Variants in PCDHGA7 observed in about 807,000 individuals in gnomAD.
PCDHGA7 encodes the protein protocadherin gamma subfamily A, 7, also known as protocadherin gamma-A7.
Under a neutral mutation model 58.3 loss-of-function variants are expected in PCDHGA7, and 44 were observed. That is an observed-to-expected ratio of 0.75 (90% CI 0.59 to 0.97). The LOEUF is 0.97. PCDHGA7 is among the 50% of genes least tolerant of loss of function. PCDHGA7 has a pLI of 0.00. For missense variants in PCDHGA7, 1,266 were observed against 1,188.7 expected, an observed-to-expected ratio of 1.06 and a Z score of -0.96; for synonymous variants, 516 against 504.2, an observed-to-expected ratio of 1.02 and a Z score of -0.31.
intron 1 of PCDHGA7, chr5:141,422,866 G>C: frequency 1.2e-6 from 2 of 1,614,216 alleles, no homozygotes; most frequent in Non-Finnish European, 8.5e-7. Context: ...CAGCAGCAAC[G>C]TGTCGCTGAG....
At chr5:141,500,455 C>T (rs1254764658) in intron 2 of PCDHGA7, among the ~76,000 whole-genome samples, 4 of 151,986 alleles carry the variant, frequency 2.6e-5, no homozygotes, top group Non-Finnish European at 5.9e-5. Context: ...GTGATCCGCC[C>T]GCCTCGGCCT....
intron 1 of PCDHGA7, chr5:141,492,018 G>A: frequency 1.7e-6 from 1 of 585,594 alleles, no homozygotes; most frequent in Admixed American, 3.7e-5. Flanking sequence ...GGGTGTCGGG[G>A]GTCCCGGGAG....
Position 141,491,906 on chromosome 5 carries a change from T to A in PCDHGA7, c.2425-2901T>A, listed in dbSNP as rs1490050332. On this transcript the variant is annotated intron_variant, in intron 1 of 3. Transcript: ENST00000518325. The surrounding 1 kb of genome is among the most constrained non-coding windows in gnomAD (Gnocchi z 6.9). ...ATGGGGCTCCGAGCACCGGGGGTGG[T>A]GGCGACTGTGGGCGAGGGGAGGTGG... is the stretch of plus-strand genomic sequence containing the variant. 7.1e-7 allele frequency: 1 copy of A among 1,414,468 alleles called. No individual in the cohort carries two copies. Among genetic ancestry groups the A allele is most frequent in the African/African-American group, 1.4e-5 (1 of 69,002 alleles). 87.6% of individuals were successfully genotyped at this position (1,414,468 alleles called of 1,614,324 possible).
chr5:141,399,972 G>A, intron 1 of PCDHGA7: 1 of 1,612,256 alleles, frequency 6.2e-7, no homozygotes. Flanking sequence ...TCTTCAGCCT[G>A]GGGCTGCGCA....
intron 1 of PCDHGA7, chr5:141,418,465 A>G (rs2096261082): frequency 6.2e-7 from 1 of 1,614,022 alleles, no homozygotes; most frequent in Non-Finnish European, 8.5e-7. Context: ...CTCTGGACCG[A>G]GAAACGCAGA....
chr5:141,404,741 G>C, intron 1 of PCDHGA7: 1 of 1,614,072 alleles, frequency 6.2e-7, no homozygotes, highest in South Asian at 1.1e-5. Context: ...AGTGGACAGA[G>C]ACTCAGGCCA....
rs142628885 is a variant in PCDHGA7 at position 141,404,093 on chromosome 5, C to T, written c.2424+18770C>T. ...TGACCGAGACTCCGGGAAGAATGGT[C>T]AAGTTGTCTGTTCTATCCAGGAGAA... On this transcript the variant is annotated intron_variant, in intron 1 of 3. Coordinates refer to ENST00000518325, the MANE Select transcript of PCDHGA7 (RefSeq NM_018920.4). The T allele has an allele frequency of 9.4e-5, 152 of 1,613,326 alleles. 2 individuals carry two copies. In the East Asian group the frequency reaches 3.4e-3, roughly 36 times the overall value.
At chr5:141,447,433 C>T (rs756021616) in intron 1 of PCDHGA7, among the ~76,000 whole-genome samples, 5 of 152,118 alleles carry the variant, frequency 3.3e-5, no homozygotes, top group African/African-American at 7.2e-5. Context: ...CCACCGCACC[C>T]GGAGGAAATT....
chr5:141,385,508 G>T (rs1430201636), intron 1 of PCDHGA7, 185 bp downstream of exon 1: 6 of 1,372,088 alleles, frequency 4.4e-6, no homozygotes, highest in Non-Finnish European at 5.6e-6. Flanking sequence ...TATTTCTTTA[G>T]TGAAAGCCTA....
At chr5:141,464,759 ACAGG>A (rs2099090169) in intron 1 of PCDHGA7, among the ~76,000 whole-genome samples, 1 of 152,158 alleles carries the variant, frequency 6.6e-6, no homozygotes, top group Non-Finnish European at 1.5e-5. Context: ...TTTTTTAGAG[ACAGG>A]AATCTTGTTC....
chr5:141,413,530 A>G (rs879218343), intron 1 of PCDHGA7: 1 of 1,613,954 alleles, frequency 6.2e-7, no homozygotes, highest in Non-Finnish European at 8.5e-7. Context: ...AGACAGGGTG[A>G]AACTTTTTGG....
chr5:141,441,762 C>T (rs3805697), intron 1 of PCDHGA7: 63,073 of 367,490 alleles, frequency 0.17, 6,544 homozygotes, highest in Admixed American at 0.27. Context: ...CGTGAGCCTG[C>T]GCGTGTTGGT....
At chr5:141,421,478 G>T in intron 1 of PCDHGA7, 1 of 1,614,130 alleles carries the variant, frequency 6.2e-7, no homozygotes, top group Non-Finnish European at 8.5e-7. Flanking sequence ...CGAAGCGGCA[G>T]CTTGATCACG....
At chr5:141,430,846 C>CCA in intron 1 of PCDHGA7, 1 of 1,576,346 alleles carries the variant, frequency 6.3e-7, no homozygotes, top group Non-Finnish European at 8.6e-7. Context: ...CCGGATGCAC[C>CCA]CAGATACGCT....
intron 1 of PCDHGA7, chr5:141,430,688 A>G: frequency 1.4e-6 from 2 of 1,402,360 alleles, no homozygotes; most frequent in Non-Finnish European, 1.9e-6. Context: ...GTCCCATTCT[A>G]TGGGCGAAGG....
At chr5:141,495,279 G>T (rs72790069) in intron 2 of PCDHGA7, among the ~76,000 whole-genome samples, 4 of 152,146 alleles carry the variant, frequency 2.6e-5, no homozygotes, top group Non-Finnish European at 5.9e-5. Context: ...CGGAGGAGGC[G>T]GTCCGCACTC....
In PCDHGA7 at chr5:141,409,721, G is replaced by A. The variant is rs892686024; in HGVS notation, c.2424+24398G>A. On this transcript the variant is annotated intron_variant, in intron 1 of 3. Transcript: ENST00000518325. ...CCTGGCGGTGTCGTCATACGTGTCA[G>A]TGAGCGCGCAGAGCGGGGTGGTGTT... The A allele has an allele frequency of 6.8e-6, 11 of 1,613,114 alleles. No homozygotes were observed. The highest frequency in any genetic ancestry group is 6.7e-5 in the East Asian group (3 of 44,892).
intron 1 of PCDHGA7, chr5:141,478,242 T>C (rs750487479): frequency 6.2e-7 from 1 of 1,614,156 alleles, no homozygotes; most frequent in Admixed American, 1.7e-5. Context: ...GTGGTCACAG[T>C]GTTCGGAGTA....
At chr5:141,408,834 T>G in intron 1 of PCDHGA7, 1 of 1,613,696 alleles carries the variant, frequency 6.2e-7, no homozygotes, top group Non-Finnish European at 8.5e-7. Context: ...CATAGCTTGA[T>G]ATTGACTGCC....
Sources: gnomAD v4.1 joint callset for allele counts (sites outside exome capture counted in the v4.1 genomes callset) on GRCh38, gnomAD v4.1.1 for gene constraint, Gnocchi (gnomAD v3.1) non-coding constraint, MANE v1.5 for transcripts, NCBI Gene and HGNC (gene_info 2026-07-23, HGNC 2026-07-21) for gene names.